Variants in RB1 observed in about 807,000 individuals in gnomAD.
The protein encoded by RB1 is retinoblastoma-associated protein.
In RB1, 18 loss-of-function variants were observed where a neutral mutation model predicts 135.4. The observed-to-expected ratio is 0.13, with a 90% confidence interval of 0.09 to 0.20. The LOEUF is 0.20. Ranked by LOEUF, RB1 falls within the 10% of genes least tolerant of loss-of-function variation. The probability of loss-of-function intolerance (pLI) is 1.00; values close to 1 mark genes in which losing one functional copy is unlikely to be tolerated. For synonymous variants in RB1, 365 were observed against 373.2 expected, an observed-to-expected ratio of 0.98 and a Z score of 0.25; for missense variants, 868 against 1,110.0, an observed-to-expected ratio of 0.78 and a Z score of 3.10.
chr13:48,426,727 T>C (rs2138265504), intron 17 of RB1: 1 of 152,350 alleles, frequency 6.6e-6, no homozygotes, highest in East Asian at 1.9e-4. Context: ...TAGTCAAATG[T>C]TCTCGTAGTA....
intron 5 of RB1, among the ~76,000 whole-genome samples, chr13:48,348,681 T>A (rs1395880786): frequency 2.2e-5 from 3 of 138,696 alleles, no homozygotes; most frequent in African/African-American, 7.6e-5. Flanking sequence ...TTTTTCTTAA[T>A]TTTTTTTTTT....
chr13:48,365,818 G>A (rs548171718), intron 9 of RB1, among the ~76,000 whole-genome samples: 1 of 152,306 alleles, frequency 6.6e-6, no homozygotes, highest in East Asian at 1.9e-4. Context: ...TATCCTTAAA[G>A]TGCTAGTGGG....
chr13:48,397,107 G>A (rs1041324886), intron 17 of RB1, among the ~76,000 whole-genome samples: 4 of 152,052 alleles, frequency 2.6e-5, no homozygotes, highest in African/African-American at 4.8e-5. Flanking sequence ...AGGATCTAGA[G>A]CCAGAAATAA....
chr13:48,342,520 A>T, intron 2 of RB1, 79 bp from the exon 3 acceptor site: 1 of 883,808 alleles, frequency 1.1e-6, no homozygotes, highest in Non-Finnish European at 1.9e-6. Flanking sequence ...AGAAAAAATC[A>T]GTTATAATAC....
At chr13:48,398,131 A>G (rs1427370674) in intron 17 of RB1, among the ~76,000 whole-genome samples, 1 of 152,212 alleles carries the variant, frequency 6.6e-6, no homozygotes, top group Non-Finnish European at 1.5e-5. Flanking sequence ...ATATAATGAT[A>G]AAGCAATTAT....
intron 17 of RB1, among the ~76,000 whole-genome samples, chr13:48,406,983 C>T (rs1230508907): frequency 1.3e-5 from 2 of 152,186 alleles, no homozygotes; most frequent in Non-Finnish European, 1.5e-5. Context: ...TCTTACAGTT[C>T]CTCAGTTTCC....
chr13:48,343,613 T>C (rs547500898), intron 3 of RB1, among the ~76,000 whole-genome samples: 10 of 152,288 alleles, frequency 6.6e-5, no homozygotes, highest in Admixed American at 5.2e-4. Flanking sequence ...TTCCCTTAAG[T>C]TTCCCCTAGA....
intron 2 of RB1, chr13:48,318,478 C>T (rs2138051599): frequency 7.8e-7 from 1 of 1,275,274 alleles, no homozygotes. Context: ...TGCCTCACCT[C>T]GTCTGTCTTA....
At chr13:48,360,312 A>G (rs922127015) in intron 7 of RB1, 185 bp downstream of exon 7, 21 of 1,314,436 alleles carry the variant, frequency 1.6e-5, no homozygotes, top group Non-Finnish European at 1.9e-5. Context: ...TGATTAGAGT[A>G]TATGGTAGAA....
intron 2 of RB1, chr13:48,320,293 C>G: frequency 1.6e-6 from 2 of 1,229,110 alleles, no homozygotes; most frequent in Non-Finnish European, 2.3e-6. Context: ...GGTGGTGCCC[C>G]GAGCAACCCC....
At chr13:48,350,795 C>T (rs1267749427) in intron 6 of RB1, among the ~76,000 whole-genome samples, 1 of 151,836 alleles carries the variant, frequency 6.6e-6, no homozygotes, top group Non-Finnish European at 1.5e-5. Flanking sequence ...CAGTTTTCAT[C>T]ATTTAGCTCC....
chr13:48,349,071 T>G (rs1952523787), intron 6 of RB1, 48 bp downstream of exon 6: 1 of 1,541,732 alleles, frequency 6.5e-7, no homozygotes, highest in South Asian at 1.2e-5. Context: ...ATGTAATAAT[T>G]AAATTGGCAT....
intron 1 of RB1, among the ~76,000 whole-genome samples, chr13:48,306,131 A>G (rs1952078338): frequency 6.6e-6 from 1 of 152,122 alleles, no homozygotes; most frequent in African/African-American, 2.4e-5. Flanking sequence ...CTGACCAGGC[A>G]TGTTGGCTCA....
intron 6 of RB1, among the ~76,000 whole-genome samples, chr13:48,356,039 A>T (rs928541449): frequency 6.6e-6 from 1 of 152,184 alleles, no homozygotes; most frequent in East Asian, 1.9e-4. Flanking sequence ...TTAATTGTAC[A>T]TTTTAAAATA....
At chr13:48,398,233 TA>T (rs141604364) in intron 17 of RB1, among the ~76,000 whole-genome samples, 6 of 152,118 alleles carry the variant, frequency 3.9e-5, no homozygotes, top group African/African-American at 1.4e-4. Flanking sequence ...ATTTTAATTT[TA>T]AAAAATTCAA....
intron 17 of RB1, among the ~76,000 whole-genome samples, chr13:48,393,852 G>C (rs1948628772): frequency 6.6e-6 from 1 of 152,140 alleles, no homozygotes; most frequent in South Asian, 2.1e-4. Context: ...ATTGGATTCT[G>C]TCATACTCTT....
chr13:48,303,783 T>C lies in RB1; in HGVS notation c.-130T>C. 7.3e-7 allele frequency: 1 copy of C among 1,377,742 alleles called. No homozygotes were observed. The highest frequency in any genetic ancestry group is 9.6e-7 in the Non-Finnish European group (1 of 1,043,468). 85.3% of individuals were successfully genotyped at this position (1,377,742 alleles called of 1,614,324 possible). A position where few individuals can be genotyped will look rare whatever the true frequency, so the allele number is the denominator to read the frequency against. ...GGGCGGGGGAGGGCGCGTCCGGTTT[T>C]TCTCAGGGGACGTTGAAATTATTTT... On this transcript the variant is annotated 5_prime_UTR_variant, in exon 1 of 27. Coordinates refer to ENST00000267163, the MANE Select transcript of RB1 (RefSeq NM_000321.3).
intron 17 of RB1, among the ~76,000 whole-genome samples, chr13:48,438,928 T>C (rs1455763265): frequency 6.6e-6 from 1 of 150,756 alleles, no homozygotes; most frequent in Non-Finnish European, 1.5e-5. Flanking sequence ...CTACTATGAA[T>C]GTGCTATTTC....
chr13:48,387,580 G>T (rs560290495), intron 17 of RB1, among the ~76,000 whole-genome samples: 4 of 151,980 alleles, frequency 2.6e-5, no homozygotes, highest in African/African-American at 9.6e-5. Context: ...AGAGAGTATG[G>T]TTTTTCTTTT....
Sources: allele counts gnomAD v4.1 joint callset (sites outside exome capture counted in the v4.1 genomes callset), GRCh38; gene constraint gnomAD v4.1.1; transcripts MANE v1.5; gene names NCBI Gene and HGNC (gene_info 2026-07-23, HGNC 2026-07-21).